PPARG: variants seen among roughly 807,000 people sequenced by gnomAD.
PPARG encodes the protein peroxisome proliferator-activated receptor gamma.
In PPARG, 17 loss-of-function variants were observed where a neutral mutation model predicts 39.2. The ratio of observed to expected loss-of-function variants is 0.43; its 90% CI spans 0.30 to 0.65. PPARG has a LOEUF of 0.65. Among genes scored for constraint, PPARG ranks in the 30% least tolerant of loss-of-function variants. The probability of loss-of-function intolerance (pLI) is 0.13; values close to 1 mark genes in which losing one functional copy is unlikely to be tolerated. For synonymous variants in PPARG, 223 were observed against 215.7 expected, an observed-to-expected ratio of 1.03 and a Z score of -0.30; for missense variants, 406 against 585.9, an observed-to-expected ratio of 0.69 and a Z score of 3.17.
At position 12,333,659 on chromosome 3, in the gene PPARG, C is replaced by G. The variant is rs1211656701; in HGVS notation, c.-9+21206C>G. Among the ~76,000 whole-genome samples the G allele has an allele frequency of 3.3e-5, 5 of 151,994 alleles. 1 individual carries two copies. Reference sequence around the variant, plus strand: ...CAGTAATAGGTTCACATTCACTCTCCCCCATCATGCTTATGCCCCCTACCT... The same window carrying G: ...CAGTAATAGGTTCACATTCACTCTCGCCCATCATGCTTATGCCCCCTACCT... On this transcript the variant is annotated intron_variant, in intron 2 of 7. Coordinates refer to ENST00000651735, the MANE Select transcript of PPARG (RefSeq NM_138711.6).
At position 12,416,067 on chromosome 3, in the gene PPARG, G is replaced by A. The variant is rs1478261471; in HGVS notation, c.730-637G>A. 2.0e-5 allele frequency among the ~76,000 whole-genome samples: 3 copies of A among 152,200 alleles called. No individual in the cohort carries two copies. In the South Asian group the frequency reaches 6.2e-4, roughly 32 times the overall value. On this transcript the variant is annotated intron_variant, in intron 6 of 7. Transcript: ENST00000651735. ...TCATTGAAAGCCAAGATAAACAGTA[G>A]ATTTTGTATCATTTTAAAAATCAAC...
chr3:12,342,797 T>G (rs1575024439), intron 2 of PPARG, among the ~76,000 whole-genome samples: 1 of 147,454 alleles, frequency 6.8e-6, no homozygotes, highest in South Asian at 2.2e-4. Flanking sequence ...GAAAGGTGGT[T>G]TTTTTTTTTT....
At chr3:12,394,488 A>G (rs1353679219) in intron 5 of PPARG, among the ~76,000 whole-genome samples, 1 of 152,212 alleles carries the variant, frequency 6.6e-6, no homozygotes, top group Non-Finnish European at 1.5e-5. Flanking sequence ...AAGCTATCAT[A>G]AACTTGATAG....
At chr3:12,316,852 T>C (rs2047403233) in intron 2 of PPARG, among the ~76,000 whole-genome samples, 1 of 152,154 alleles carries the variant, frequency 6.6e-6, no homozygotes, top group Admixed American at 6.5e-5. Flanking sequence ...GCTGGGTGGC[T>C]GGGAGAGTTG....
At chr3:12,421,751 C>T (rs1319776828) in intron 7 of PPARG, among the ~76,000 whole-genome samples, 6 of 152,340 alleles carry the variant, frequency 3.9e-5, no homozygotes, top group South Asian at 2.1e-4. Context: ...ATCACTACAA[C>T]GGCTGCAGAT....
intron 6 of PPARG, 116 bp downstream of exon 6, chr3:12,406,197 G>C: frequency 1.8e-6 from 2 of 1,085,024 alleles, no homozygotes; most frequent in Non-Finnish European, 2.8e-6. Flanking sequence ...TTGTTCAACT[G>C]TTGGCTGTTA....
chr3:12,354,685 A>G (rs1340788475), intron 2 of PPARG, among the ~76,000 whole-genome samples: 1 of 150,778 alleles, frequency 6.6e-6, no homozygotes, highest in Non-Finnish European at 1.5e-5. Flanking sequence ...CCCAGGAGGC[A>G]GAGGTTGCAG....
chr3:12,425,274 G>T (rs958828067), intron 7 of PPARG, among the ~76,000 whole-genome samples: 4 of 152,204 alleles, frequency 2.6e-5, no homozygotes, highest in African/African-American at 9.6e-5. Flanking sequence ...ACTTCTTGGG[G>T]ACTTCATGTG....
intron 1 of PPARG, chr3:12,297,972 C>T (rs1249017258): frequency 6.6e-6 from 1 of 151,872 alleles, no homozygotes; most frequent in Admixed American, 6.6e-5. Context: ...TCATTATGAG[C>T]CCTTCATATA....
intron 6 of PPARG, among the ~76,000 whole-genome samples, chr3:12,415,440 T>C (rs774075053): frequency 9.9e-5 from 15 of 152,208 alleles, no homozygotes; most frequent in Non-Finnish European, 2.1e-4. Context: ...TTTAACTCCT[T>C]ATGTGTCATT....
At chr3:12,391,091 T>C (rs1166287372) in intron 4 of PPARG, among the ~76,000 whole-genome samples, 4 of 152,204 alleles carry the variant, frequency 2.6e-5, no homozygotes, top group Non-Finnish European at 4.4e-5. Flanking sequence ...TCTCATTTTA[T>C]AGTTGAAAAA....
At chr3:12,426,273 G>A (rs2051442974) in intron 7 of PPARG, among the ~76,000 whole-genome samples, 1 of 152,248 alleles carries the variant, frequency 6.6e-6, no homozygotes, top group African/African-American at 2.4e-5. Flanking sequence ...CCACTTCAGA[G>A]CGAAGGCTCT....
chr3:12,417,226 T>A, intron 7 of PPARG, 72 bp downstream of exon 7: 1 of 1,448,714 alleles, frequency 6.9e-7, no homozygotes, highest in African/African-American at 1.4e-5. Flanking sequence ...AATTTTGGAT[T>A]TCCTTAGTGT....
At chr3:12,372,192 T>G (rs1021703981) in intron 2 of PPARG, 1 of 716,256 alleles carries the variant, frequency 1.4e-6, no homozygotes, top group Non-Finnish European at 2.6e-6. Flanking sequence ...GTACATCCCC[T>G]GCCCCCCTGC....
chr3:12,354,658 T>C (rs944201527), intron 2 of PPARG, among the ~76,000 whole-genome samples: 7 of 149,086 alleles, frequency 4.7e-5, no homozygotes, highest in South Asian at 2.1e-4. Flanking sequence ...GAGGCTGAGG[T>C]AGGAGAATGG....
intron 6 of PPARG, among the ~76,000 whole-genome samples, chr3:12,410,283 C>T (rs1446620692): frequency 6.6e-6 from 1 of 152,146 alleles, no homozygotes; most frequent in Non-Finnish European, 1.5e-5. Flanking sequence ...TGCTCTGTTT[C>T]ATGAAGGCAG....
At chr3:12,377,938 A>G (rs1370363009) in intron 2 of PPARG, among the ~76,000 whole-genome samples, 2 of 152,224 alleles carry the variant, frequency 1.3e-5, no homozygotes, top group African/African-American at 4.8e-5. Context: ...AAGAAAACAA[A>G]TAACCCAGTT....
intron 6 of PPARG, among the ~76,000 whole-genome samples, chr3:12,414,878 A>G (rs2051005931): frequency 6.6e-6 from 1 of 152,182 alleles, no homozygotes; most frequent in Non-Finnish European, 1.5e-5. Context: ...ATTTTTTGGT[A>G]ACAAAAGTAA....
chr3:12,413,847 T>G lies in PPARG; in HGVS notation c.730-2857T>G, dbSNP rs2050968004. On this transcript the variant is annotated intron_variant, in intron 6 of 7. Coordinates refer to ENST00000651735, the MANE Select transcript of PPARG (RefSeq NM_138711.6). ...AAAAAAAAAAAAAAAATGAAATGGT[T>G]TGGCATGATGGTGGGGTGCTGATTC... Among the ~76,000 whole-genome samples, 4 of 151,408 alleles carry G rather than the reference T, an allele frequency of 2.6e-5. No individual in the cohort carries two copies. The South Asian group carries it at 8.4e-4, about 32-fold the overall frequency.
Sources: allele counts gnomAD v4.1 joint callset (sites outside exome capture counted in the v4.1 genomes callset), GRCh38; gene constraint gnomAD v4.1.1; transcripts MANE v1.5; gene names NCBI Gene and HGNC (gene_info 2026-07-23, HGNC 2026-07-21).